The following KIF6 variants were observed in gnomAD, a reference collection of about 807,000 sequenced individuals.
The protein encoded by KIF6 is kinesin-like protein KIF6.
Under a neutral mutation model 112.7 loss-of-function variants are expected in KIF6, and 106 were observed. That is an observed-to-expected ratio of 0.94 (90% CI 0.80 to 1.11). KIF6 has a LOEUF of 1.11. KIF6 is among the 50% of genes least tolerant of loss of function. The pLI is 0.00. For synonymous variants in KIF6, 339 were observed against 339.9 expected, an observed-to-expected ratio of 1.00 and a Z score of 0.03; for missense variants, 929 against 964.0, an observed-to-expected ratio of 0.96 and a Z score of 0.48.
intron 3 of KIF6, among the ~76,000 whole-genome samples, chr6:39,651,178 CTG>C (rs552926728): frequency 1.3e-5 from 2 of 152,140 alleles, no homozygotes; most frequent in Non-Finnish European, 2.9e-5. Context: ...AGTGAGAAAA[CTG>C]TGTTTTCCTA....
At chr6:39,505,548 A>T (rs1404725215) in intron 13 of KIF6, among the ~76,000 whole-genome samples, 1 of 152,248 alleles carries the variant, frequency 6.6e-6, no homozygotes, top group Non-Finnish European at 1.5e-5. Flanking sequence ...AGAAACTATC[A>T]TCAGAGTAAA....
At chr6:39,587,151 G>T (rs1458919122) in intron 7 of KIF6, among the ~76,000 whole-genome samples, 1 of 152,114 alleles carries the variant, frequency 6.6e-6, no homozygotes, top group Non-Finnish European at 1.5e-5. Flanking sequence ...TGGAGCAAAG[G>T]CTGCTGGGGT....
intron 10 of KIF6, among the ~76,000 whole-genome samples, chr6:39,567,276 A>G (rs1780341112): frequency 6.6e-6 from 1 of 152,226 alleles, no homozygotes. Context: ...GGGTGCCATT[A>G]CTACTCTCAC....
At chr6:39,337,154 CTTTTCTTTCTTTCCTTCCTT>C (rs1234239763) in intron 22 of KIF6, among the ~76,000 whole-genome samples, 8,256 of 73,850 alleles carry the variant, frequency 0.11, 1,378 homozygotes, top group African/African-American at 0.29. Context: ...CTTTCTCTTT[CTTTTCTTTCTTTCCTTCCTT>C]CTTTCTTTCT....
chr6:39,540,544 G>GTATA (rs1250195216), intron 12 of KIF6, among the ~76,000 whole-genome samples: 4 of 152,228 alleles, frequency 2.6e-5, no homozygotes, highest in African/African-American at 9.6e-5. Context: ...AATAGGCTAT[G>GTATA]TATACATCTT....
rs28581558 is a variant in KIF6 at position 39,391,923 on chromosome 6, G to A, written c.1811-6251C>T. ...TATGTATAGGTGTATGTATACATAT[G>A]CATGTATGTATATATGAATGCATGT... is the stretch of plus-strand genomic sequence containing the variant. On this transcript the variant is annotated intron_variant, in intron 15 of 22. Coordinates refer to ENST00000287152, the MANE Select transcript of KIF6 (RefSeq NM_145027.6). 8.7e-4 allele frequency among the ~76,000 whole-genome samples: 132 copies of A among 152,150 alleles called. 1 individual carries two copies. Among genetic ancestry groups the A allele is most frequent in the African/African-American group, 3.0e-3 (124 of 41,508 alleles).
chr6:39,664,139 A>G (rs547320597), intron 3 of KIF6, among the ~76,000 whole-genome samples: 2 of 152,300 alleles, frequency 1.3e-5, no homozygotes, highest in Admixed American at 1.3e-4. Flanking sequence ...AAACCAGGGA[A>G]AGGAGAGAAT....
chr6:39,533,843 G>A (rs1306135464), intron 13 of KIF6, among the ~76,000 whole-genome samples: 1 of 152,138 alleles, frequency 6.6e-6, no homozygotes. Flanking sequence ...TCACACGGCC[G>A]GGTACTCCTC....
At chr6:39,420,795 G>A (rs1053854818) in intron 14 of KIF6, among the ~76,000 whole-genome samples, 7 of 152,060 alleles carry the variant, frequency 4.6e-5, no homozygotes, top group Non-Finnish European at 5.9e-5. Flanking sequence ...TTTGTGCCCC[G>A]ATGTTTTTTT....
In KIF6 at chr6:39,716,063, C is replaced by T. The variant is rs200723839; in HGVS notation, c.177-1297G>A. Among the ~76,000 whole-genome samples, 13 of 152,204 alleles carry T rather than the reference C, an allele frequency of 8.5e-5. No homozygotes were observed. The East Asian group carries it at 1.9e-3, about 23-fold the overall frequency. On this transcript the variant is annotated intron_variant, in intron 2 of 22. Coordinates refer to ENST00000287152, the MANE Select transcript of KIF6 (RefSeq NM_145027.6). ...GGGTGAATCAATTAGCCATTTTCTA[C>T]CCCACTTCTTTAAAAAAAGAGTAAT... is the stretch of plus-strand genomic sequence containing the variant.
Position 39,630,582 on chromosome 6 carries a change from A to G in KIF6, c.509+4267T>C, listed in dbSNP as rs80205920. Among the ~76,000 whole-genome samples the G allele has an allele frequency of 5.1e-4, 77 of 152,180 alleles. 1 individual carries two copies. The highest frequency in any genetic ancestry group is 1.1e-3 in the Non-Finnish European group (73 of 67,916). On this transcript the variant is annotated intron_variant, in intron 5 of 22. Transcript: ENST00000287152. ...ACTTATGAATTCCAGGAATTTGTCAATTATTTGAGATGTTCTACATAGATA... is the reference window on the plus strand; with the variant it reads ...ACTTATGAATTCCAGGAATTTGTCAGTTATTTGAGATGTTCTACATAGATA...
intron 5 of KIF6, among the ~76,000 whole-genome samples, chr6:39,632,436 C>G (rs911376696): frequency 6.6e-6 from 1 of 152,046 alleles, no homozygotes; most frequent in Non-Finnish European, 1.5e-5. Context: ...ATTTTGCCTA[C>G]TATGTTTAGA....
At chr6:39,477,693 T>C (rs1027295317) in intron 13 of KIF6, among the ~76,000 whole-genome samples, 14 of 152,068 alleles carry the variant, frequency 9.2e-5, no homozygotes, top group African/African-American at 3.4e-4. Context: ...AAACCCCATC[T>C]CTACTAAAAA....
intron 5 of KIF6, among the ~76,000 whole-genome samples, chr6:39,617,078 A>AT (rs556990205): frequency 1.7e-4 from 26 of 151,942 alleles, no homozygotes; most frequent in African/African-American, 4.3e-4. Flanking sequence ...TATTTATTTG[A>AT]TTTTTTTTAA....
At chr6:39,684,695 C>T (rs1320423335) in intron 3 of KIF6, among the ~76,000 whole-genome samples, 2 of 150,136 alleles carry the variant, frequency 1.3e-5, no homozygotes, top group African/African-American at 4.9e-5. Context: ...GAGGCTGAGG[C>T]AGGAGAATCA....
chr6:39,618,576 A>T (rs1239002424), intron 5 of KIF6, among the ~76,000 whole-genome samples: 1 of 152,176 alleles, frequency 6.6e-6, no homozygotes, highest in Non-Finnish European at 1.5e-5. Context: ...GCAATAAGAC[A>T]CCAAATTATA....
intron 1 of KIF6, among the ~76,000 whole-genome samples, chr6:39,722,680 A>G (rs369629740): frequency 6.6e-6 from 1 of 152,232 alleles, no homozygotes; most frequent in African/African-American, 2.4e-5. Flanking sequence ...TACAAAAAGC[A>G]TTTCTAGTCA....
chr6:39,510,495 C>T (rs1213134253), intron 13 of KIF6, among the ~76,000 whole-genome samples: 2 of 152,102 alleles, frequency 1.3e-5, no homozygotes, highest in Non-Finnish European at 2.9e-5. Context: ...CAAGCAAATG[C>T]TAAGAGATTT....
At chr6:39,624,706 G>T (rs1247443267) in intron 5 of KIF6, among the ~76,000 whole-genome samples, 2 of 152,148 alleles carry the variant, frequency 1.3e-5, no homozygotes, top group Non-Finnish European at 2.9e-5. Context: ...ATAGATTGAG[G>T]TGACAGTGTT....
Sources: gnomAD v4.1 joint callset for allele counts (sites outside exome capture counted in the v4.1 genomes callset) on GRCh38, gnomAD v4.1.1 for gene constraint, MANE v1.5 for transcripts, NCBI Gene and HGNC (gene_info 2026-07-23, HGNC 2026-07-21) for gene names.